Variants in CPS1 observed in about 807,000 individuals in gnomAD.
CPS1 encodes the protein carbamoyl-phosphate synthase [ammonia], mitochondrial.
CPS1 carries 109 observed loss-of-function variants against 174.6 expected under a neutral mutation model. That is an observed-to-expected ratio of 0.62 (90% CI 0.53 to 0.73). The LOEUF (loss-of-function observed/expected upper bound fraction) is 0.73, where lower values mean the gene tolerates loss of function less well. CPS1 is among the 30% of genes least tolerant of loss of function. The pLI is 0.00. For missense variants in CPS1, 1,689 were observed against 1,821.9 expected, an observed-to-expected ratio of 0.93 and a Z score of 1.33; for synonymous variants, 637 against 632.0, an observed-to-expected ratio of 1.01 and a Z score of -0.12.
upstream of CPS1, among the ~76,000 whole-genome samples, chr2:210,554,071 A>G (rs540745011): frequency 9.3e-4 from 138 of 148,414 alleles, no homozygotes; most frequent in African/African-American, 3.4e-3. Context: ...ATATATATAC[A>G]TATATACATA....
At chr2:210,676,042 TC>T (rs1484849826) in intron 36 of CPS1, among the ~76,000 whole-genome samples, 1 of 152,230 alleles carries the variant, frequency 6.6e-6, no homozygotes, top group Non-Finnish European at 1.5e-5. Flanking sequence ...GAAACGTGTT[TC>T]AAAATACTTC....
Position 210,612,211 on chromosome 2 carries a change from TG to T in CPS1, c.2487del (p.Met829IlefsTer9). ...SIEGFTPRLPMNKEWPSNLDL... is the reference protein window; with the variant it reads ...SIEGFTPRLPXNKEWPSNLDL... Reference sequence around the variant, plus strand: ...GAAGGTTTCACTCCCCGTCTCCCAATGAACAAAGAATGGCCATCTAATTTAG... The same window carrying T: ...GAAGGTTTCACTCCCCGTCTCCCAATAACAAAGAATGGCCATCTAATTTAG... On this transcript the variant is annotated frameshift_variant, in exon 20 of 38. Coordinates refer to ENST00000233072, the MANE Select transcript of CPS1 (RefSeq NM_001875.5). LOFTEE classifies it high-confidence loss of function. The T allele has an allele frequency of 6.2e-7, 1 of 1,612,216 alleles. No individual in the cohort carries two copies. Among genetic ancestry groups the T allele is most frequent in the Non-Finnish European group, 8.5e-7 (1 of 1,178,874 alleles).
At chr2:210,592,831 A>G in intron 10 of CPS1, 48 bp from the exon 11 acceptor site, 1 of 1,515,414 alleles carries the variant, frequency 6.6e-7, no homozygotes, top group South Asian at 1.1e-5. Flanking sequence ...GCCACACTTG[A>G]CATTCATTGT....
intron 2 of CPS1, among the ~76,000 whole-genome samples, chr2:210,575,034 TA>T (rs1697641408): frequency 6.6e-6 from 1 of 152,022 alleles, no homozygotes; most frequent in African/African-American, 2.4e-5. Context: ...GCAATGCATT[TA>T]TATTGTGGGC....
chr2:210,658,763 C>A, intron 31 of CPS1, 75 bp downstream of exon 31: 1 of 1,106,420 alleles, frequency 9.0e-7, no homozygotes, highest in Non-Finnish European at 1.4e-6. Context: ...CTCTGGTAAT[C>A]TTCTCTGTGA....
intron 1 of CPS1, among the ~76,000 whole-genome samples, chr2:210,497,168 T>A (rs1346955969): frequency 6.6e-6 from 1 of 152,140 alleles, no homozygotes; most frequent in African/African-American, 2.4e-5. Flanking sequence ...TTTAAATTTT[T>A]AAAAAATGTA....
chr2:210,563,240 T>C (rs1353720998), intron 1 of CPS1, among the ~76,000 whole-genome samples: 1 of 152,184 alleles, frequency 6.6e-6, no homozygotes, highest in Non-Finnish European at 1.5e-5. Context: ...CAAGGGCTCA[T>C]TTACATACTG....
At chr2:210,503,856 C>T (rs1322637677) in intron 1 of CPS1, among the ~76,000 whole-genome samples, 11 of 151,644 alleles carry the variant, frequency 7.3e-5, no homozygotes, top group Admixed American at 5.9e-4. Flanking sequence ...CAGCACAATT[C>T]GGGTGACGGC....
At chr2:210,611,795 A>G (rs1699130264) in intron 19 of CPS1, among the ~76,000 whole-genome samples, 1 of 151,858 alleles carries the variant, frequency 6.6e-6, no homozygotes, top group Non-Finnish European at 1.5e-5. Flanking sequence ...AAAGGTCTCT[A>G]TGCTTCAACC....
At chr2:210,520,362 A>G (rs1272385087) in intron 1 of CPS1, among the ~76,000 whole-genome samples, 1 of 152,046 alleles carries the variant, frequency 6.6e-6, no homozygotes, top group Non-Finnish European at 1.5e-5. Flanking sequence ...TTTGTTACAT[A>G]GGTATATATG....
intron 5 of CPS1, among the ~76,000 whole-genome samples, chr2:210,580,329 G>T (rs1043820389): frequency 6.6e-6 from 1 of 151,986 alleles, no homozygotes; most frequent in Non-Finnish European, 1.5e-5. Context: ...GGTGATAAAA[G>T]GGAAGGTTAT....
chr2:210,506,937 A>C (rs1006677107), intron 1 of CPS1, among the ~76,000 whole-genome samples: 4 of 152,224 alleles, frequency 2.6e-5, no homozygotes, highest in African/African-American at 9.7e-5. Context: ...AATGGGACCA[A>C]GTTGGAAAAC....
chr2:210,577,459 C>G lies in CPS1; in HGVS notation c.420C>G (p.Tyr140Ter). Residue 140 changes from tyrosine (Y) to a stop codon, truncating the protein, a stop_gained, in exon 4 of 38, where the codon TAC becomes TAG. Coordinates refer to ENST00000233072, the MANE Select transcript of CPS1 (RefSeq NM_001875.5). LOFTEE classifies it high-confidence loss of function. ...TGGTGCTGGATTATAGTAAAGACTA[C>G]AACCACTGGCTGGCTACCAAGAGTT... ...GLLVLDYSKD[Y>*]NHWLATKSLG... 6.2e-7 allele frequency: 1 copy of G among 1,613,856 alleles called. No homozygotes were observed.
chr2:210,551,099 A>G (rs1696718021), intron 1 of CPS1, among the ~76,000 whole-genome samples: 1 of 151,908 alleles, frequency 6.6e-6, no homozygotes, highest in South Asian at 2.1e-4. Flanking sequence ...TCATTTCCAT[A>G]TAAATCAATC....
At chr2:210,639,390 A>G (rs1700139146) in intron 23 of CPS1, among the ~76,000 whole-genome samples, 175 bp downstream of exon 23, 1 of 151,828 alleles carries the variant, frequency 6.6e-6, no homozygotes, top group South Asian at 2.1e-4. Context: ...AGGCGGGTGG[A>G]TCATGAGGTC....
chr2:210,668,583 C>CT (rs1701184777), intron 34 of CPS1, among the ~76,000 whole-genome samples: 1 of 152,034 alleles, frequency 6.6e-6, no homozygotes, highest in Non-Finnish European at 1.5e-5. Context: ...TTGGTTTTGT[C>CT]TTTTCTATAT....
Position 210,608,468 on chromosome 2 carries a change from AT to A in CPS1, c.2302del (p.Tyr768ThrfsTer25). 1 of 1,612,546 alleles carries A rather than the reference AT, an allele frequency of 6.2e-7. No individual in the cohort carries two copies. Among genetic ancestry groups the A allele is most frequent in the South Asian group, 1.1e-5 (1 of 91,054 alleles). ...TCAGCCTGTTTTGAACCTAGCCTGG[AT>A]TACATGGTCACCAAGATTCCCCGCT... ...KTSACFEPSL[D>X]YMVTKIPRWD... On this transcript the variant is annotated frameshift_variant, in exon 19 of 38. Coordinates refer to ENST00000233072, the MANE Select transcript of CPS1 (RefSeq NM_001875.5). LOFTEE classifies it high-confidence loss of function.
intron 25 of CPS1, among the ~76,000 whole-genome samples, chr2:210,645,897 A>C (rs1448111986): frequency 6.6e-6 from 1 of 152,234 alleles, no homozygotes; most frequent in African/African-American, 2.4e-5. Flanking sequence ...AAGTCAAAAC[A>C]GATAGTCCAG....
At chr2:210,548,657 T>G (rs1046612282) in intron 1 of CPS1, among the ~76,000 whole-genome samples, 3 of 151,988 alleles carry the variant, frequency 2.0e-5, no homozygotes, top group Non-Finnish European at 4.4e-5. Flanking sequence ...CTCTTCTTCC[T>G]CCCCTTCTTC....
Sources: gnomAD v4.1 joint callset for allele counts (sites outside exome capture counted in the v4.1 genomes callset) on GRCh38, gnomAD v4.1.1 for gene constraint, MANE v1.5 for transcripts, NCBI Gene and HGNC (gene_info 2026-07-23, HGNC 2026-07-21) for gene names.